The following MSRA variants were observed in gnomAD, a reference collection of about 807,000 sequenced individuals.
MSRA encodes methionine sulfoxide reductase A, also known as mitochondrial peptide methionine sulfoxide reductase.
Under a neutral mutation model 31.3 loss-of-function variants are expected in MSRA, and 54 were observed. That is an observed-to-expected ratio of 1.73 (90% CI 1.39 to 2.17). The LOEUF (loss-of-function observed/expected upper bound fraction) is 2.17. Among genes scored for constraint, MSRA ranks in the 30% most tolerant of loss-of-function variants. MSRA has a pLI of 0.00. For synonymous variants in MSRA, 169 were observed against 116.5 expected, an observed-to-expected ratio of 1.45 and a Z score of -2.90; for missense variants, 507 against 300.9, an observed-to-expected ratio of 1.69 and a Z score of -5.07.
chr8:10,068,687 T>C (rs1797582675), intron 1 of MSRA, among the ~76,000 whole-genome samples: 1 of 152,256 alleles, frequency 6.6e-6, no homozygotes, highest in South Asian at 2.1e-4. Context: ...TCTTTTCTTT[T>C]GCTGATTGTT....
intron 2 of MSRA, among the ~76,000 whole-genome samples, chr8:10,222,020 T>C (rs1355830738): frequency 6.6e-6 from 1 of 151,676 alleles, no homozygotes; most frequent in Non-Finnish European, 1.5e-5. Flanking sequence ...GTGGGGACTT[T>C]AACATTTATT....
intron 3 of MSRA, among the ~76,000 whole-genome samples, chr8:10,272,063 C>G (rs568006343): frequency 5.9e-5 from 9 of 152,304 alleles, no homozygotes; most frequent in African/African-American, 2.2e-4. Context: ...TCAGTCTCTT[C>G]TATTCTCCAA....
intron 3 of MSRA, among the ~76,000 whole-genome samples, chr8:10,252,104 T>C (rs575529992): frequency 6.6e-6 from 1 of 152,332 alleles, no homozygotes; most frequent in East Asian, 1.9e-4. Flanking sequence ...TAACCTTATT[T>C]TGAAAAGTTA....
At chr8:10,150,624 G>A (rs919674581) in intron 1 of MSRA, among the ~76,000 whole-genome samples, 1 of 152,048 alleles carries the variant, frequency 6.6e-6, no homozygotes, top group African/African-American at 2.4e-5. Context: ...GCCTCACATA[G>A]CAATTATGGC....
intron 2 of MSRA, among the ~76,000 whole-genome samples, chr8:10,208,973 C>A (rs115543248): frequency 1.3e-5 from 2 of 152,180 alleles, no homozygotes; most frequent in African/African-American, 4.8e-5. Flanking sequence ...AGAGATGGAA[C>A]CAGAATTAGG....
chr8:10,300,356 A>T (rs1005778125), intron 3 of MSRA, among the ~76,000 whole-genome samples: 4 of 151,950 alleles, frequency 2.6e-5, no homozygotes, highest in African/African-American at 9.7e-5. Flanking sequence ...CTCAGGTTCA[A>T]GTGATTCTCC....
At chr8:10,179,905 A>G (rs892249345) in intron 1 of MSRA, among the ~76,000 whole-genome samples, 1 of 152,216 alleles carries the variant, frequency 6.6e-6, no homozygotes, top group African/African-American at 2.4e-5. Flanking sequence ...AGTTGTTCTA[A>G]GTGGGAAAAC....
At chr8:10,343,628 C>A (rs1019338940) in intron 5 of MSRA, among the ~76,000 whole-genome samples, 3 of 152,160 alleles carry the variant, frequency 2.0e-5, no homozygotes, top group African/African-American at 7.2e-5. Flanking sequence ...GCTCCTTATT[C>A]AACAAATGTA....
chr8:10,134,308 C>T (rs1001334839), intron 1 of MSRA, among the ~76,000 whole-genome samples: 2 of 152,350 alleles, frequency 1.3e-5, no homozygotes, highest in East Asian at 1.9e-4. Flanking sequence ...AAAGAAGCCT[C>T]CAGCTTCTGG....
intron 1 of MSRA, among the ~76,000 whole-genome samples, chr8:10,145,534 T>G (rs1361637408): frequency 1.3e-5 from 2 of 152,220 alleles, no homozygotes; most frequent in Non-Finnish European, 1.5e-5. Flanking sequence ...AGGCATCCTC[T>G]GAAGAGGCGT....
chr8:10,266,987 G>A (rs936691070), intron 3 of MSRA, among the ~76,000 whole-genome samples: 4 of 152,156 alleles, frequency 2.6e-5, no homozygotes, highest in African/African-American at 9.7e-5. Flanking sequence ...GGCAATCAGT[G>A]TTTTGTTATA....
chr8:10,078,203 C>G (rs1474773461), intron 1 of MSRA, among the ~76,000 whole-genome samples: 1 of 152,176 alleles, frequency 6.6e-6, no homozygotes, highest in Non-Finnish European at 1.5e-5. Flanking sequence ...TCTGAAATTT[C>G]CTTTTCTGCT....
chr8:10,315,333 T>C (rs1801651549), intron 4 of MSRA, among the ~76,000 whole-genome samples: 1 of 152,106 alleles, frequency 6.6e-6, no homozygotes, highest in Admixed American at 6.6e-5. Context: ...AAACCAGGTG[T>C]GGTACAACCA....
chr8:10,312,781 G>C (rs1182325400), intron 4 of MSRA, among the ~76,000 whole-genome samples: 1 of 152,010 alleles, frequency 6.6e-6, no homozygotes, highest in Non-Finnish European at 1.5e-5. Context: ...CACCTTAGCA[G>C]GTATTTTAAA....
At chr8:10,194,506 C>T (rs780381306) in intron 1 of MSRA, among the ~76,000 whole-genome samples, 1 of 152,164 alleles carries the variant, frequency 6.6e-6, no homozygotes, top group African/African-American at 2.4e-5. Context: ...GCAGAGGTTG[C>T]GGTGAGCCAA....
At chr8:10,167,592 G>C (rs1805253228) in intron 1 of MSRA, among the ~76,000 whole-genome samples, 1 of 152,172 alleles carries the variant, frequency 6.6e-6, no homozygotes, top group Non-Finnish European at 1.5e-5. Context: ...TTTTGCTCTA[G>C]TAATTCTAGC....
chr8:10,289,416 G>T (rs1340741934), intron 3 of MSRA, among the ~76,000 whole-genome samples: 6 of 151,918 alleles, frequency 3.9e-5, no homozygotes. Flanking sequence ...TATATTTATG[G>T]GGTACATGAG....
chr8:10,417,969 T>C (rs1022668779), intron 5 of MSRA, among the ~76,000 whole-genome samples: 9 of 152,110 alleles, frequency 5.9e-5, no homozygotes, highest in Admixed American at 5.2e-4. Flanking sequence ...GCGTCCTGCC[T>C]GCGAGTTTTC....
chr8:10,068,780 T>C (rs964148604), intron 1 of MSRA, among the ~76,000 whole-genome samples: 7 of 152,186 alleles, frequency 4.6e-5, no homozygotes, highest in Non-Finnish European at 8.8e-5. Flanking sequence ...CCTTTCCATA[T>C]AAAGTTTAGA....
Sources: allele counts gnomAD v4.1 joint callset (sites outside exome capture counted in the v4.1 genomes callset), GRCh38; gene constraint gnomAD v4.1.1; transcripts MANE v1.5; gene names NCBI Gene and HGNC (gene_info 2026-07-23, HGNC 2026-07-21).